ERBB4: variants seen among roughly 807,000 people sequenced by gnomAD.
ERBB4 encodes the protein erb-b2 receptor tyrosine kinase 4, also known as receptor tyrosine-protein kinase erbB-4.
Under a neutral mutation model 158.0 loss-of-function variants are expected in ERBB4, and 42 were observed. The ratio of observed to expected loss-of-function variants is 0.27; its 90% CI spans 0.21 to 0.34. The LOEUF is 0.34. Among genes scored for constraint, ERBB4 ranks in the 10% least tolerant of loss-of-function variants. ERBB4 has a pLI of 1.00. For synonymous variants in ERBB4, 583 were observed against 558.7 expected (o/e 1.04, Z -0.61); for missense variants, 1,333 against 1,624.1 (o/e 0.82, Z 3.08).
At chr2:211,650,562 A>T (rs1358930079) in intron 16 of ERBB4, among the ~76,000 whole-genome samples, 1 of 152,138 alleles carries the variant, frequency 6.6e-6, no homozygotes, top group East Asian at 1.9e-4. Flanking sequence ...ATTGAAGCTG[A>T]TGAAATAAAC....
chr2:211,435,578 A>G (rs1178009669), intron 20 of ERBB4, among the ~76,000 whole-genome samples: 5 of 152,174 alleles, frequency 3.3e-5, no homozygotes, highest in Non-Finnish European at 7.3e-5. Flanking sequence ...AGCCAGCATA[A>G]CTGCCAGAGC....
chr2:212,194,731 CAT>C (rs72223067), intron 1 of ERBB4, among the ~76,000 whole-genome samples: 27,500 of 151,688 alleles, frequency 0.18, 2,798 homozygotes, highest in Non-Finnish European at 0.22. Flanking sequence ...AAAATAAAAA[CAT>C]ATATTTTTGC....
intron 16 of ERBB4, among the ~76,000 whole-genome samples, chr2:211,654,043 A>T (rs2071119171): frequency 6.6e-6 from 1 of 152,166 alleles, no homozygotes; most frequent in Non-Finnish European, 1.5e-5. Context: ...CAATTGACAG[A>T]TGCTTTGAAA....
chr2:212,261,342 AACTTATGAG>A (rs1198995210), intron 1 of ERBB4, among the ~76,000 whole-genome samples: 8 of 152,208 alleles, frequency 5.3e-5, no homozygotes, highest in Non-Finnish European at 1.0e-4. Context: ...GACGACGAAC[AACTTATGAG>A]GATCAATCTT....
chr2:211,834,917 A>G (rs968974353), intron 3 of ERBB4, among the ~76,000 whole-genome samples: 7 of 152,142 alleles, frequency 4.6e-5, no homozygotes, highest in African/African-American at 1.7e-4. Context: ...GTAAAGTCAT[A>G]TAGATTTTAA....
chr2:211,504,497 A>G (rs956231162), intron 20 of ERBB4, among the ~76,000 whole-genome samples: 3 of 152,128 alleles, frequency 2.0e-5, no homozygotes, highest in Non-Finnish European at 4.4e-5. Flanking sequence ...ACTAAGATGT[A>G]ACAGTTTCTA....
chr2:211,940,646 G>T (rs562034607), intron 3 of ERBB4, among the ~76,000 whole-genome samples: 1 of 141,992 alleles, frequency 7.0e-6, no homozygotes, highest in South Asian at 2.3e-4. Context: ...GATTCCTGAA[G>T]GGGTCATAAA....
intron 20 of ERBB4, among the ~76,000 whole-genome samples, chr2:211,462,771 C>T (rs2064570268): frequency 6.6e-6 from 1 of 152,132 alleles, no homozygotes; most frequent in South Asian, 2.1e-4. Flanking sequence ...AAAATATTGT[C>T]AGCTCTCTAC....
chr2:211,945,080 G>A (rs1450470159), intron 3 of ERBB4, among the ~76,000 whole-genome samples: 3 of 152,036 alleles, frequency 2.0e-5, no homozygotes, highest in African/African-American at 4.8e-5. Flanking sequence ...ATATTTTTCC[G>A]AAGCACAAAA....
intron 1 of ERBB4, among the ~76,000 whole-genome samples, chr2:212,151,599 TG>T (rs956661752): frequency 5.3e-5 from 8 of 151,858 alleles, no homozygotes; most frequent in African/African-American, 1.7e-4. Context: ...AAAATAAAAA[TG>T]GTCCATGGCT....
chr2:211,828,800 G>A (rs537020941), intron 3 of ERBB4, among the ~76,000 whole-genome samples: 11 of 152,160 alleles, frequency 7.2e-5, no homozygotes, highest in African/African-American at 2.4e-4. Context: ...TGCACACACT[G>A]GCTCTTCCCA....
At chr2:212,403,596 T>C (rs1192042760) in intron 1 of ERBB4, among the ~76,000 whole-genome samples, 1 of 151,932 alleles carries the variant, frequency 6.6e-6, no homozygotes, top group Non-Finnish European at 1.5e-5. Flanking sequence ...GAATGAACAT[T>C]GAGGACATTA....
intron 2 of ERBB4, among the ~76,000 whole-genome samples, chr2:212,008,922 C>T (rs566919829): frequency 6.6e-6 from 1 of 152,262 alleles, no homozygotes; most frequent in East Asian, 1.9e-4. Context: ...CTTTACATGA[C>T]ATTTATCTTA....
At chr2:211,436,194 A>C (rs2063849353) in intron 20 of ERBB4, among the ~76,000 whole-genome samples, 1 of 152,212 alleles carries the variant, frequency 6.6e-6, no homozygotes, top group Non-Finnish European at 1.5e-5. Flanking sequence ...GTTTCTGTGA[A>C]TTTCAGGACA....
At chr2:212,332,025 AATAAG>A (rs1038797029) in intron 1 of ERBB4, among the ~76,000 whole-genome samples, 1 of 151,986 alleles carries the variant, frequency 6.6e-6, no homozygotes, top group African/African-American at 2.4e-5. Context: ...AAAATTAACT[AATAAG>A]ATAAGTATAG....
At chr2:212,364,654 C>T (rs2089816621) in intron 1 of ERBB4, among the ~76,000 whole-genome samples, 1 of 151,722 alleles carries the variant, frequency 6.6e-6, no homozygotes, top group East Asian at 1.9e-4. Flanking sequence ...TTTTGTGGCT[C>T]ATCAAAAGAA....
intron 20 of ERBB4, among the ~76,000 whole-genome samples, chr2:211,441,438 G>A (rs1265562589): frequency 2.0e-5 from 3 of 152,170 alleles, no homozygotes; most frequent in Admixed American, 6.6e-5. Flanking sequence ...ACTGTTTCTT[G>A]GCCCAACCTG....
chr2:212,360,654 G>T (rs992129410), intron 1 of ERBB4, among the ~76,000 whole-genome samples: 3 of 151,560 alleles, frequency 2.0e-5, no homozygotes, highest in African/African-American at 7.3e-5. Flanking sequence ...TATTTACCAA[G>T]ATTTTAAGGA....
At chr2:212,146,631 T>G (rs965267298) in intron 1 of ERBB4, among the ~76,000 whole-genome samples, 3 of 152,118 alleles carry the variant, frequency 2.0e-5, no homozygotes, top group Non-Finnish European at 4.4e-5. Context: ...CCTCTGGTAC[T>G]CCTACATTAT....
Sources: allele counts gnomAD v4.1 joint callset (sites outside exome capture counted in the v4.1 genomes callset), GRCh38; gene constraint gnomAD v4.1.1; transcripts MANE v1.5; gene names NCBI Gene and HGNC (gene_info 2026-07-23, HGNC 2026-07-21).